UGGT2: variants seen among roughly 807,000 people sequenced by gnomAD.
UGGT2 encodes the protein UDP-glucose glycoprotein glucosyltransferase 2.
UGGT2 carries 180 observed loss-of-function variants against 192.1 expected under a neutral mutation model. The ratio of observed to expected loss-of-function variants is 0.94; its 90% CI spans 0.83 to 1.06. The LOEUF (loss-of-function observed/expected upper bound fraction) is 1.06. Ranked by LOEUF, UGGT2 falls within the 50% of genes least tolerant of loss-of-function variation. UGGT2 has a pLI of 0.00. For missense variants in UGGT2, 1,849 were observed against 1,795.7 expected (o/e 1.03, Z -0.54); for synonymous variants, 580 against 591.0 (o/e 0.98, Z 0.27).
At chr13:95,924,105 C>G (rs1420212457) in intron 20 of UGGT2, among the ~76,000 whole-genome samples, 1 of 152,052 alleles carries the variant, frequency 6.6e-6, no homozygotes, top group African/African-American at 2.4e-5. Flanking sequence ...TCATATATTA[C>G]AGTGTTTTTA....
At chr13:95,822,440 G>T (rs1271389176) in intron 38 of UGGT2, among the ~76,000 whole-genome samples, 3 of 151,948 alleles carry the variant, frequency 2.0e-5, no homozygotes, top group African/African-American at 7.2e-5. Flanking sequence ...GGATTTTTTT[G>T]GATAAGTCTT....
intron 12 of UGGT2, among the ~76,000 whole-genome samples, chr13:95,969,667 G>A (rs550648665): frequency 3.9e-5 from 6 of 152,332 alleles, no homozygotes; most frequent in Non-Finnish European, 7.3e-5. Context: ...CTCTGCTTAA[G>A]CAAGAAAGGG....
chr13:96,004,983 A>G (rs2051928015), intron 5 of UGGT2, among the ~76,000 whole-genome samples: 1 of 152,096 alleles, frequency 6.6e-6, no homozygotes, highest in Admixed American at 6.5e-5. Flanking sequence ...ATTTAAAAGA[A>G]CACTCCAATT....
rs189112014 is a variant in UGGT2, at chr13:95,803,134, G to A, written c.4529-1322C>T. On this transcript the variant is annotated intron_variant, in intron 38 of 38. Coordinates refer to ENST00000376747, the MANE Select transcript of UGGT2 (RefSeq NM_020121.4). Reference sequence around the variant, plus strand: ...CAGGCGTAAGCCACTGTGCCCAGCCGATAGCCTGGTATCTATTCTAAGATA... The same window carrying A: ...CAGGCGTAAGCCACTGTGCCCAGCCAATAGCCTGGTATCTATTCTAAGATA... Among the ~76,000 whole-genome samples, 92 of 152,214 alleles carry A rather than the reference G, an allele frequency of 6.0e-4. 1 individual carries two copies. In the East Asian group the frequency reaches 0.015, roughly 25 times the overall value.
intron 4 of UGGT2, among the ~76,000 whole-genome samples, chr13:96,017,926 A>C (rs534200782): frequency 6.6e-6 from 1 of 152,352 alleles, no homozygotes; most frequent in African/African-American, 2.4e-5. Flanking sequence ...CCCTGACACT[A>C]AATTTTACAG....
In UGGT2 at chr13:95,890,952, C is replaced by A; in HGVS notation, c.2868G>T (p.Thr956=). The A allele has an allele frequency of 1.2e-6, 2 of 1,609,880 alleles. No homozygotes were observed. Among genetic ancestry groups the A allele is most frequent in the Non-Finnish European group, 8.5e-7 (1 of 1,177,692 alleles). Residue 956 remains threonine (T), a synonymous_variant, in exon 25 of 39, where the codon ACG becomes ACT. Transcript: ENST00000376747. ...AGAACATATCATTCTCTTGAGGATT[C>A]GTCTTTATAACACTAAGAAAATAGA... The part of the protein sequence containing the change: ...FLRENHSVIK[T]NPQENDMFFN...
chr13:96,030,105 C>T (rs2052788508), intron 2 of UGGT2, among the ~76,000 whole-genome samples: 1 of 152,190 alleles, frequency 6.6e-6, no homozygotes, highest in African/African-American at 2.4e-5. Flanking sequence ...GATCGAGGTT[C>T]CTCCACACAT....
At chr13:96,023,955 A>T (rs544080) in intron 2 of UGGT2, among the ~76,000 whole-genome samples, 196 bp from the exon 3 acceptor site, 1 of 151,938 alleles carries the variant, frequency 6.6e-6, no homozygotes, top group Non-Finnish European at 1.5e-5. Context: ...GTAATGTCCA[A>T]GTAATCAACA....
At chr13:95,872,641 T>C (rs1891319486) in intron 29 of UGGT2, among the ~76,000 whole-genome samples, 1 of 152,172 alleles carries the variant, frequency 6.6e-6, no homozygotes, top group South Asian at 2.1e-4. Context: ...TATGGTTTTA[T>C]TGTTTATAAG....
At chr13:95,828,665 G>T (rs891740671) in intron 38 of UGGT2, among the ~76,000 whole-genome samples, 1 of 152,104 alleles carries the variant, frequency 6.6e-6, no homozygotes, top group Admixed American at 6.6e-5. Flanking sequence ...CTGAAATTGA[G>T]GCAATAATTA....
intron 11 of UGGT2, among the ~76,000 whole-genome samples, chr13:95,971,814 C>G (rs2050781689): frequency 1.3e-5 from 2 of 152,096 alleles, no homozygotes; most frequent in Non-Finnish European, 2.9e-5. Context: ...AAAAAATGTT[C>G]AGTAAAACTA....
At chr13:95,928,067 C>T (rs2049089431) in intron 17 of UGGT2, among the ~76,000 whole-genome samples, 2 of 152,240 alleles carry the variant, frequency 1.3e-5, no homozygotes, top group Non-Finnish European at 2.9e-5. Flanking sequence ...CCACTTCTTT[C>T]TACACAGACA....
In UGGT2 at chr13:95,995,610, C is replaced by CAA. The variant is rs961676012; in HGVS notation, c.830+451_830+452dup. ...TCTGCAATACACACAAACTGGTACA[C>CAA]AAAAAAAAAATTAAATGAAAAAGTA... On this transcript the variant is annotated intron_variant, in intron 7 of 38. Transcript: ENST00000376747. Among the ~76,000 whole-genome samples the CAA allele has an allele frequency of 3.5e-5, 5 of 144,418 alleles. No individual in the cohort carries two copies. The East Asian group carries it at 1.0e-3, about 29-fold the overall frequency. The allele number at this position is 144,418 out of a possible 152,430, so 94.7% of individuals were successfully genotyped here.
intron 25 of UGGT2, among the ~76,000 whole-genome samples, chr13:95,888,584 T>C (rs913734483): frequency 1.3e-5 from 2 of 152,074 alleles, no homozygotes; most frequent in Admixed American, 6.5e-5. Context: ...GATGAGAAAT[T>C]AGAACATAAA....
chr13:95,872,409 T>C, intron 29 of UGGT2, among the ~76,000 whole-genome samples: 1 of 152,216 alleles, frequency 6.6e-6, no homozygotes, highest in East Asian at 1.9e-4. Context: ...CATATCAATA[T>C]TATTTTAGCT....
intron 5 of UGGT2, among the ~76,000 whole-genome samples, chr13:96,004,971 T>C (rs775668150): frequency 5.3e-5 from 8 of 152,054 alleles, no homozygotes; most frequent in Non-Finnish European, 1.0e-4. Context: ...CAGCACTTTA[T>C]TATTTAAAAG....
At chr13:95,876,220 A>C (rs899743124) in intron 29 of UGGT2, among the ~76,000 whole-genome samples, 2 of 152,246 alleles carry the variant, frequency 1.3e-5, no homozygotes, top group African/African-American at 4.8e-5. Context: ...ACAATTCCAA[A>C]TTGAATATAA....
At position 95,856,352 on chromosome 13, in the gene UGGT2, C is replaced by T; in HGVS notation, c.3826-12G>A. The T allele has an allele frequency of 6.3e-7, 1 of 1,593,984 alleles. No homozygotes were observed. On this transcript the variant is annotated splice_polypyrimidine_tract_variant and intron_variant, in intron 33 of 38. Coordinates refer to ENST00000376747, the MANE Select transcript of UGGT2 (RefSeq NM_020121.4). Reference sequence around the variant, plus strand: ...TGAGGAATTACTTCCTAAAAACACACACACAAAATCAAACAATATGTTCAA... The same window carrying T: ...TGAGGAATTACTTCCTAAAAACACATACACAAAATCAAACAATATGTTCAA...
intron 10 of UGGT2, among the ~76,000 whole-genome samples, chr13:95,978,374 G>T (rs1292122966): frequency 6.6e-6 from 1 of 151,984 alleles, no homozygotes; most frequent in African/African-American, 2.4e-5. Flanking sequence ...TTTAAAATTA[G>T]ATTATTCATT....
Sources: gnomAD v4.1 joint callset for allele counts (sites outside exome capture counted in the v4.1 genomes callset) on GRCh38, gnomAD v4.1.1 for gene constraint, MANE v1.5 for transcripts, NCBI Gene and HGNC (gene_info 2026-07-23, HGNC 2026-07-21) for gene names.